BCKDHB: variants seen among roughly 807,000 people sequenced by gnomAD.
The protein encoded by BCKDHB is 2-oxoisovalerate dehydrogenase subunit beta, mitochondrial.
BCKDHB carries 41 observed loss-of-function variants against 48.5 expected under a neutral mutation model. The observed-to-expected ratio is 0.85, with a 90% CI of 0.66 to 1.10. The LOEUF (loss-of-function observed/expected upper bound fraction) is 1.10. Ranked by LOEUF, BCKDHB falls within the 50% of genes least tolerant of loss-of-function variation. The probability of loss-of-function intolerance (pLI) is 0.00; values close to 1 mark genes in which losing one functional copy is unlikely to be tolerated. For missense variants in BCKDHB, 496 were observed against 494.2 expected, an observed-to-expected ratio of 1.00 and a Z score of -0.03; for synonymous variants, 201 against 174.8, an observed-to-expected ratio of 1.15 and a Z score of -1.18.
chr6:80,206,573 G>A (rs1394100998), intron 8 of BCKDHB, among the ~76,000 whole-genome samples: 1 of 150,878 alleles, frequency 6.6e-6, no homozygotes, highest in African/African-American at 2.4e-5. Flanking sequence ...GTGTGTACAT[G>A]TATGTATATG....
chr6:80,330,820 T>G (rs1364843400), intron 9 of BCKDHB, among the ~76,000 whole-genome samples: 1 of 152,032 alleles, frequency 6.6e-6, no homozygotes, highest in Admixed American at 6.5e-5. Context: ...CATTTGCTCC[T>G]AAAATACCCA....
At chr6:80,316,516 T>A (rs1397455101) in intron 9 of BCKDHB, among the ~76,000 whole-genome samples, 1 of 152,230 alleles carries the variant, frequency 6.6e-6, no homozygotes, top group Non-Finnish European at 1.5e-5. Flanking sequence ...ATTTGGTGGG[T>A]AACAATATTA....
chr6:80,435,876 A>G, the BCKDHB span, among the ~76,000 whole-genome samples: 9 of 152,250 alleles, frequency 5.9e-5, 1 homozygote, highest in South Asian at 1.9e-3. Context: ...TACTAAAAAT[A>G]CAAAAGATTA....
chr6:80,463,689 A>T, the BCKDHB span, among the ~76,000 whole-genome samples: 3 of 152,166 alleles, frequency 2.0e-5, no homozygotes, highest in Admixed American at 2.0e-4. Context: ...TGGTTTGGCT[A>T]TGTTCAAGGC....
chr6:80,210,742 G>A (rs377067949), intron 8 of BCKDHB, among the ~76,000 whole-genome samples: 10 of 152,020 alleles, frequency 6.6e-5, no homozygotes, highest in Non-Finnish European at 1.0e-4. Flanking sequence ...CACACCCTTC[G>A]TTCAGTTTCT....
the BCKDHB span, among the ~76,000 whole-genome samples, chr6:80,412,005 A>T: frequency 6.6e-6 from 1 of 152,214 alleles, no homozygotes; most frequent in South Asian, 2.1e-4. Flanking sequence ...AAGGTACCTC[A>T]GTTGGAAATG....
chr6:80,146,169 C>G (rs1562085764), intron 3 of BCKDHB, among the ~76,000 whole-genome samples: 1 of 152,030 alleles, frequency 6.6e-6, no homozygotes, highest in Non-Finnish European at 1.5e-5. Context: ...CCAAGTGATT[C>G]AAATGTGCGG....
chr6:80,281,921 G>T (rs1241072391), intron 9 of BCKDHB, among the ~76,000 whole-genome samples: 1 of 152,012 alleles, frequency 6.6e-6, no homozygotes. Context: ...CTTATATTGG[G>T]ATGGGCAAGA....
intron 8 of BCKDHB, among the ~76,000 whole-genome samples, chr6:80,209,280 A>G (rs1430842672): frequency 1.3e-5 from 2 of 151,894 alleles, no homozygotes; most frequent in African/African-American, 4.8e-5. Flanking sequence ...CGTGATACGT[A>G]TGTCAGAACT....
chr6:80,441,578 G>C, the BCKDHB span, among the ~76,000 whole-genome samples: 1 of 152,100 alleles, frequency 6.6e-6, no homozygotes, highest in Non-Finnish European at 1.5e-5. Flanking sequence ...AACAGACAAA[G>C]ATTTTGTCAT....
the BCKDHB span, among the ~76,000 whole-genome samples, chr6:80,413,310 C>T: frequency 2.0e-5 from 3 of 151,994 alleles, no homozygotes; most frequent in African/African-American, 7.3e-5. Context: ...TTTTTTTAAA[C>T]TATTAAGTTC....
chr6:80,201,975 C>T (rs1484114880), intron 7 of BCKDHB, among the ~76,000 whole-genome samples: 1 of 152,166 alleles, frequency 6.6e-6, no homozygotes, highest in East Asian at 1.9e-4. Context: ...GGTTTCTCAC[C>T]TTCAGTGGGG....
the BCKDHB span, among the ~76,000 whole-genome samples, chr6:80,412,861 G>C: frequency 1.3e-5 from 2 of 152,160 alleles, no homozygotes; most frequent in South Asian, 4.1e-4. Context: ...CTGACCTGCA[G>C]GGTAATCTGC....
the BCKDHB span, among the ~76,000 whole-genome samples, chr6:80,429,133 T>G: frequency 6.6e-6 from 1 of 152,262 alleles, no homozygotes; most frequent in African/African-American, 2.4e-5. Flanking sequence ...TAGGGAATCC[T>G]TTCCCCGTTG....
chr6:80,140,872 A>G (rs1187792663), intron 3 of BCKDHB, among the ~76,000 whole-genome samples: 1 of 152,176 alleles, frequency 6.6e-6, no homozygotes, highest in Non-Finnish European at 1.5e-5. Flanking sequence ...TAGTTTCAGA[A>G]GGAATGGTAC....
At chr6:80,128,872 C>CTGTGTG (rs60116640) in intron 2 of BCKDHB, among the ~76,000 whole-genome samples, 195 of 147,522 alleles carry the variant, frequency 1.3e-3, no homozygotes, top group African/African-American at 4.6e-3. Context: ...GTTGTCTCAA[C>CTGTGTG]TGTGTGTGTG....
At chr6:80,379,644 G>A in the BCKDHB span, among the ~76,000 whole-genome samples, 1 of 151,718 alleles carries the variant, frequency 6.6e-6, no homozygotes, top group South Asian at 2.1e-4. Context: ...TTAGAAAAGA[G>A]GGTGTCCAAT....
At chr6:80,205,234 T>G (rs1050094016) in intron 8 of BCKDHB, among the ~76,000 whole-genome samples, 20 of 151,338 alleles carry the variant, frequency 1.3e-4, no homozygotes, top group African/African-American at 4.1e-4. Context: ...AAAATGAGGG[T>G]TTTTTTTCCC....
intron 9 of BCKDHB, among the ~76,000 whole-genome samples, chr6:80,309,751 TGTTATATAG>T (rs1300992260): frequency 2.0e-5 from 3 of 152,212 alleles, no homozygotes; most frequent in Non-Finnish European, 4.4e-5. Flanking sequence ...TGTGTAGGTT[TGTTATATAG>T]GTTGTGTGTC....
Sources: gnomAD v4.1 joint callset for allele counts (sites outside exome capture counted in the v4.1 genomes callset) on GRCh38, gnomAD v4.1.1 for gene constraint, MANE v1.5 for transcripts, NCBI Gene and HGNC (gene_info 2026-07-23, HGNC 2026-07-21) for gene names.